Variants in CISTR observed in about 807,000 individuals in gnomAD.
The protein encoded by CISTR is chondrogenic regulator lncRNA.
At chr12:53,754,034 A>T (rs1937888352) in intron 1 of CISTR, among the ~76,000 whole-genome samples, 1 of 151,400 alleles carries the variant, frequency 6.6e-6, no homozygotes, top group African/African-American at 2.4e-5. Flanking sequence ...AGGTGGAGAC[A>T]TCTGCTCAGG....
intron 2 of CISTR, among the ~76,000 whole-genome samples, chr12:53,747,453 T>G: frequency 6.6e-6 from 1 of 150,856 alleles, no homozygotes; most frequent in African/African-American, 2.4e-5. Flanking sequence ...TCCGTGGGGG[T>G]GGGCAAGGGA....
intron 2 of CISTR, among the ~76,000 whole-genome samples, chr12:53,748,420 G>A (rs560967339): frequency 3.5e-4 from 53 of 152,206 alleles, no homozygotes; most frequent in African/African-American, 1.1e-3. Flanking sequence ...GGACAGAGTG[G>A]GACCCATAAG....
intron 1 of CISTR, among the ~76,000 whole-genome samples, chr12:53,753,336 C>T (rs973897585): frequency 6.6e-6 from 1 of 152,068 alleles, no homozygotes; most frequent in Admixed American, 6.5e-5. Flanking sequence ...TGAGGCTGGT[C>T]GTCAAGACCA....
chr12:53,748,313 A>G (rs1184131885), intron 2 of CISTR, among the ~76,000 whole-genome samples: 1 of 152,102 alleles, frequency 6.6e-6, no homozygotes, highest in Non-Finnish European at 1.5e-5. Context: ...CCCCAACTCC[A>G]TCCCCAACAC....
At chr12:53,753,137 A>T (rs1463003285) in intron 1 of CISTR, among the ~76,000 whole-genome samples, 1 of 152,038 alleles carries the variant, frequency 6.6e-6, no homozygotes, top group Admixed American at 6.6e-5. Flanking sequence ...AAAATTACAA[A>T]GTGTGGGCCT....
chr12:53,746,824 T>G (rs898454096), exon 3 of CISTR, among the ~76,000 whole-genome samples: 3 of 152,166 alleles, frequency 2.0e-5, no homozygotes, highest in Non-Finnish European at 4.4e-5. Context: ...ATTCCGCTCC[T>G]CCGCAGAGCC....
In CISTR at chr12:53,756,289, C is replaced by T. The variant is rs1294164257; in HGVS notation, n.414+525G>A. The stretch of plus-strand genomic sequence containing the variant: ...GCACCTGATAAATGAGGACCTGGAA[C>T]TCCTTACAATCTCCCTCTTACCTCC... On this transcript the variant is annotated intron_variant and non_coding_transcript_variant, in intron 1 of 2. Coordinates refer to ENST00000669269, the Ensembl canonical transcript of CISTR. This position sits in a 1 kb window ranked among gnomAD's most constrained non-coding sequence, Gnocchi z 4.0. 6.6e-6 allele frequency among the ~76,000 whole-genome samples: 1 copy of T among 152,156 alleles called. No homozygotes were observed. The highest frequency in any genetic ancestry group is 6.5e-5 in the Admixed American group (1 of 15,282).
chr12:53,754,459 T>G (rs1398761916), intron 1 of CISTR: 1 of 152,168 alleles, frequency 6.6e-6, no homozygotes, highest in Non-Finnish European at 1.5e-5. Flanking sequence ...GGAGTTGGCA[T>G]CAGAATGCAG....
Position 53,751,203 on chromosome 12 carries a change from C to T in CISTR, n.415-238G>A, listed in dbSNP as rs1937846239. On this transcript the variant is annotated intron_variant and non_coding_transcript_variant, in intron 1 of 2. Coordinates refer to ENST00000669269, the Ensembl canonical transcript of CISTR. The surrounding 1 kb of genome is among the most constrained non-coding windows in gnomAD (Gnocchi z 4.6). The stretch of plus-strand genomic sequence containing the variant: ...GACACACACACACACTCTCTCCTGG[C>T]CTCCCTCCCGCCGCCCCTCCTCTGA... 6.6e-6 allele frequency among the ~76,000 whole-genome samples: 1 copy of T among 152,182 alleles called. No individual in the cohort carries two copies. The highest frequency in any genetic ancestry group is 1.5e-5 in the Non-Finnish European group (1 of 68,024).
intron 2 of CISTR, among the ~76,000 whole-genome samples, chr12:53,749,060 C>G (rs984338135): frequency 1.3e-5 from 2 of 151,852 alleles, no homozygotes; most frequent in Non-Finnish European, 2.9e-5. Flanking sequence ...CTGAACCAGA[C>G]AGCCACACAC....
chr12:53,747,311 C>T (rs763456229), intron 2 of CISTR, among the ~76,000 whole-genome samples: 1 of 152,158 alleles, frequency 6.6e-6, no homozygotes, highest in Non-Finnish European at 1.5e-5. Flanking sequence ...TTGACAGATG[C>T]TGACAGGGCT....
chr12:53,751,253 C>T lies in CISTR; in HGVS notation n.415-288G>A, dbSNP rs1329478728. Among the ~76,000 whole-genome samples, 2 of 152,178 alleles carry T rather than the reference C, an allele frequency of 1.3e-5. No individual in the cohort carries two copies. Among genetic ancestry groups the T allele is most frequent in the African/African-American group, 4.8e-5 (2 of 41,448 alleles). ...AGCCCTGCGGCCCGGCCTTCCGCAC[C>T]TCCCAACGCCTGCAGGGGTTGGGGG... On this transcript the variant is annotated intron_variant and non_coding_transcript_variant, in intron 1 of 2. Coordinates refer to ENST00000669269, the Ensembl canonical transcript of CISTR. The surrounding 1 kb of genome is among the most constrained non-coding windows in gnomAD (Gnocchi z 4.6).
intron 1 of CISTR, chr12:53,755,674 T>G (rs1269549947): frequency 1.3e-5 from 2 of 152,266 alleles, no homozygotes; most frequent in Non-Finnish European, 2.9e-5. Context: ...CTGGTGGGTT[T>G]TGCTCCCTGG....
chr12:53,747,564 TG>T (rs1438469263), intron 2 of CISTR, among the ~76,000 whole-genome samples: 1 of 151,924 alleles, frequency 6.6e-6, no homozygotes, highest in Non-Finnish European at 1.5e-5. Context: ...TGATGATTAC[TG>T]GGATGCTTGG....
intron 1 of CISTR, among the ~76,000 whole-genome samples, chr12:53,752,956 T>C (rs1937872308): frequency 6.6e-6 from 1 of 151,964 alleles, no homozygotes; most frequent in African/African-American, 2.4e-5. Context: ...GGGGCTGCAG[T>C]GGATCTAGGA....
intron 1 of CISTR, among the ~76,000 whole-genome samples, chr12:53,754,692 T>C (rs1937896212): frequency 6.6e-6 from 1 of 152,188 alleles, no homozygotes; most frequent in African/African-American, 2.4e-5. Flanking sequence ...TCCCAGCTTA[T>C]TCTCTTCATA....
At chr12:53,750,875 C>G (rs1937842125) in exon 2 of CISTR, 2 of 153,042 alleles carry the variant, frequency 1.3e-5, no homozygotes, top group African/African-American at 4.8e-5. Context: ...CCTGGCTACC[C>G]AAGCATTGCC....
intron 2 of CISTR, among the ~76,000 whole-genome samples, chr12:53,749,915 G>A (rs1005647035): frequency 6.6e-6 from 1 of 152,176 alleles, no homozygotes; most frequent in Non-Finnish European, 1.5e-5. Flanking sequence ...AGGCAATCCT[G>A]AAGGGGAACC....
intron 1 of CISTR, chr12:53,754,627 TAC>T (rs1261478532): frequency 6.6e-6 from 1 of 152,242 alleles, no homozygotes; most frequent in Non-Finnish European, 1.5e-5. Flanking sequence ...AAGAACTGTG[TAC>T]AGTTGAATCT....
Sources: gnomAD v4.1 joint callset for allele counts (sites outside exome capture counted in the v4.1 genomes callset) on GRCh38, gnomAD v4.1.1 for gene constraint, Gnocchi (gnomAD v3.1) non-coding constraint, MANE v1.5 for transcripts, NCBI Gene and HGNC (gene_info 2026-07-23, HGNC 2026-07-21) for gene names.